Variants in LOC400499 observed in about 807,000 individuals in gnomAD.
At chr16:11,391,576 C>CCA in the LOC400499 span, 6 of 1,106,122 alleles carry the variant, frequency 5.4e-6, no homozygotes, top group East Asian at 6.4e-5. Flanking sequence ...TGAAACAGTG[C>CCA]CACAGGCCAA....
At chr16:11,474,523 G>A in the LOC400499 span, among the ~76,000 whole-genome samples, 1 of 152,100 alleles carries the variant, frequency 6.6e-6, no homozygotes, top group East Asian at 1.9e-4. Flanking sequence ...TGCTTGTATA[G>A]GGTAGAATTA....
At chr16:11,374,425 A>G in the LOC400499 span, among the ~76,000 whole-genome samples, 2 of 152,224 alleles carry the variant, frequency 1.3e-5, no homozygotes, top group Non-Finnish European at 2.9e-5. Context: ...TTGTGCAACC[A>G]ATCTCTGGAA....
chr16:11,388,941 G>C, the LOC400499 span, among the ~76,000 whole-genome samples: 1 of 152,238 alleles, frequency 6.6e-6, no homozygotes, highest in Non-Finnish European at 1.5e-5. Context: ...ACAAAAATTC[G>C]CTGGGCTTGG....
At chr16:11,513,676 C>G in the LOC400499 span, among the ~76,000 whole-genome samples, 21 of 152,030 alleles carry the variant, frequency 1.4e-4, no homozygotes, top group Admixed American at 9.8e-4. Context: ...AGTTATCCGC[C>G]TACCTCGGCC....
chr16:11,456,817 AC>A, the LOC400499 span: 1 of 1,534,066 alleles, frequency 6.5e-7, no homozygotes, highest in African/African-American at 1.4e-5. Context: ...GAGATCAGAA[AC>A]CTGAGCTGCT....
the LOC400499 span, among the ~76,000 whole-genome samples, chr16:11,400,112 C>A: frequency 6.6e-6 from 1 of 151,626 alleles, no homozygotes; most frequent in African/African-American, 2.4e-5. Context: ...TTTCCAAAGA[C>A]AGAAAGCAAC....
chr16:11,415,947 C>T, the LOC400499 span, among the ~76,000 whole-genome samples: 1 of 129,462 alleles, frequency 7.7e-6, no homozygotes, highest in Non-Finnish European at 1.6e-5. Context: ...GTTTTTTTTG[C>T]TGTTGTTGTT....
the LOC400499 span, among the ~76,000 whole-genome samples, chr16:11,497,298 G>A: frequency 1.3e-5 from 2 of 152,042 alleles, no homozygotes; most frequent in Non-Finnish European, 2.9e-5. Context: ...TGAAAGGACA[G>A]GGGTGTGTGG....
At chr16:11,460,957 G>A in the LOC400499 span, 18 of 1,529,840 alleles carry the variant, frequency 1.2e-5, no homozygotes, top group Non-Finnish European at 1.5e-5. Flanking sequence ...GGCACGCAGT[G>A]CCTTACCCAG....
the LOC400499 span, among the ~76,000 whole-genome samples, chr16:11,444,862 C>T: frequency 6.6e-6 from 1 of 152,082 alleles, no homozygotes; most frequent in African/African-American, 2.4e-5. Context: ...GGGAGGATGG[C>T]TTAGAGTCCA....
the LOC400499 span, among the ~76,000 whole-genome samples, chr16:11,400,058 A>T: frequency 1.5e-4 from 5 of 34,300 alleles, no homozygotes; most frequent in African/African-American, 6.2e-4. Context: ...AAGCATTTAA[A>T]TGAAAAAAAA....
At chr16:11,443,570 C>T in the LOC400499 span, 2 of 316,906 alleles carry the variant, frequency 6.3e-6, no homozygotes, top group Non-Finnish European at 6.1e-6. Flanking sequence ...AAATACGATG[C>T]TCTCCCAGAG....
chr16:11,374,616 A>G, the LOC400499 span, among the ~76,000 whole-genome samples: 10 of 152,204 alleles, frequency 6.6e-5, no homozygotes, highest in African/African-American at 1.2e-4. Flanking sequence ...TTCACTTTGT[A>G]TAATGTCCTC....
the LOC400499 span, chr16:11,391,868 A>G: frequency 3.3e-6 from 4 of 1,206,586 alleles, no homozygotes; most frequent in African/African-American, 3.1e-5. Flanking sequence ...GCACCTGGAC[A>G]GGGAAACCGA....
chr16:11,509,479 C>T, the LOC400499 span, among the ~76,000 whole-genome samples: 4 of 151,848 alleles, frequency 2.6e-5, no homozygotes, highest in African/African-American at 9.7e-5. Context: ...GTAAAGATCT[C>T]CAAGCCATCG....
At chr16:11,463,508 ATGTG>A in the LOC400499 span, among the ~76,000 whole-genome samples, 5 of 150,842 alleles carry the variant, frequency 3.3e-5, no homozygotes, top group African/African-American at 1.2e-4. Context: ...AGATGTATGA[ATGTG>A]TGTATACATG....
the LOC400499 span, among the ~76,000 whole-genome samples, chr16:11,453,952 T>C: frequency 6.6e-6 from 1 of 152,118 alleles, no homozygotes; most frequent in Non-Finnish European, 1.5e-5. Context: ...AAGAGAAAAT[T>C]ACACAGACCA....
chr16:11,513,101 GA>G, the LOC400499 span, among the ~76,000 whole-genome samples: 1 of 152,116 alleles, frequency 6.6e-6, no homozygotes, highest in Non-Finnish European at 1.5e-5. Context: ...TCACTTATAC[GA>G]AAAATTTAAT....
At chr16:11,390,414 G>A in the LOC400499 span, 2 of 1,251,524 alleles carry the variant, frequency 1.6e-6, no homozygotes, top group African/African-American at 1.5e-5. Context: ...CCTCCTCCAG[G>A]GGCCGCAGTG....
Sources: allele counts gnomAD v4.1 joint callset (sites outside exome capture counted in the v4.1 genomes callset), GRCh38; gene constraint gnomAD v4.1.1; transcripts MANE v1.5.